The following MED12L variants were observed in gnomAD, a reference collection of about 807,000 sequenced individuals.
The protein encoded by MED12L is mediator complex subunit 12L.
Under a neutral mutation model 281.3 loss-of-function variants are expected in MED12L, and 60 were observed. The ratio of observed to expected loss-of-function variants is 0.21; its 90% CI spans 0.17 to 0.26. The LOEUF (loss-of-function observed/expected upper bound fraction) is 0.26, where lower values mean the gene tolerates loss of function less well. Among genes scored for constraint, MED12L ranks in the 10% least tolerant of loss-of-function variants. The pLI is 1.00. For missense variants in MED12L, 2,146 were observed against 2,680.9 expected (o/e 0.80, Z 4.41); for synonymous variants, 974 against 987.2 (o/e 0.99, Z 0.25).
intron 16 of MED12L, among the ~76,000 whole-genome samples, chr3:151,312,754 T>G (rs1747718647): frequency 6.6e-6 from 1 of 152,210 alleles, no homozygotes; most frequent in South Asian, 2.1e-4. Context: ...TATGTATATT[T>G]TAATTTATTA....
At chr3:151,338,690 T>C in intron 16 of MED12L, 1 of 1,613,602 alleles carries the variant, frequency 6.2e-7, no homozygotes, top group East Asian at 2.2e-5. Context: ...TACTCCGGAT[T>C]TGAAAGAAAA....
chr3:151,164,034 A>G lies in MED12L; in HGVS notation c.1249A>G (p.Asn417Asp). 6.2e-7 allele frequency: 1 copy of G among 1,613,176 alleles called. No individual in the cohort carries two copies. Among genetic ancestry groups the G allele is most frequent in the Non-Finnish European group, 8.5e-7 (1 of 1,179,512 alleles). Residue 417 changes from asparagine (N) to aspartate (D), a missense_variant, in exon 9 of 45, where the codon AAT becomes GAT. Physicochemically the swap from Asn to Asp is conservative, Grantham distance 23 (BLOSUM62 1). This residue lies in a region of MED12L where 722 missense variants were observed against 861.2 expected (regional missense o/e 0.84). Transcript: ENST00000687756. Reference protein sequence around the residue: ...LPMPGGNTAFNQQVRARIYEV... With the variant: ...LPMPGGNTAFDQQVRARIYEV... Reference sequence around the variant, plus strand: ...CATGCCGGGTGGGAACACGGCTTTCAATCAGCAGGTAGACTTTATGTTTCA... The same window carrying G: ...CATGCCGGGTGGGAACACGGCTTTCGATCAGCAGGTAGACTTTATGTTTCA...
intron 5 of MED12L, among the ~76,000 whole-genome samples, chr3:151,138,062 T>C (rs1176603004): frequency 6.6e-6 from 1 of 152,182 alleles, no homozygotes; most frequent in Non-Finnish European, 1.5e-5. Flanking sequence ...TTCTTACTAG[T>C]TTTTAATCTT....
At chr3:151,328,511 C>T (rs774600360) in intron 16 of MED12L, 1 of 1,614,006 alleles carries the variant, frequency 6.2e-7, no homozygotes, top group Non-Finnish European at 8.5e-7. Context: ...TTCCTTGTTG[C>T]TCAAGATCGT....
At chr3:151,198,513 A>G in intron 16 of MED12L, 1 of 1,613,794 alleles carries the variant, frequency 6.2e-7, no homozygotes, top group South Asian at 1.1e-5. Context: ...TTTGAGCGGA[A>G]TGCTTTTGAG....
intron 17 of MED12L, among the ~76,000 whole-genome samples, chr3:151,354,854 C>G (rs531454927): frequency 3.6e-4 from 54 of 152,014 alleles, no homozygotes; most frequent in African/African-American, 1.2e-3. Flanking sequence ...TATAAAGTTC[C>G]AGTGTAGGCA....
intron 3 of MED12L, among the ~76,000 whole-genome samples, chr3:151,122,165 CAGAGCAGGTAATACT>C (rs1713858432): frequency 6.6e-6 from 1 of 152,176 alleles, no homozygotes; most frequent in Non-Finnish European, 1.5e-5. Flanking sequence ...TTGCCTCATT[CAGAGCAGGTAATACT>C]AGCTTTCTCT....
At chr3:151,332,377 C>G (rs1750446960) in intron 16 of MED12L, among the ~76,000 whole-genome samples, 1 of 152,160 alleles carries the variant, frequency 6.6e-6, no homozygotes, top group Non-Finnish European at 1.5e-5. Flanking sequence ...TACCATGGTA[C>G]TTTCTCAGAT....
intron 43 of MED12L, among the ~76,000 whole-genome samples, chr3:151,417,879 C>T (rs9852103): frequency 0.15 from 22,987 of 152,020 alleles, 1,838 homozygotes; most frequent in Middle Eastern, 0.21. Context: ...CTTCAGAAAA[C>T]CTTCTTAAAG....
At chr3:151,294,297 T>C in intron 16 of MED12L, 2 of 1,614,064 alleles carry the variant, frequency 1.2e-6, no homozygotes, top group Non-Finnish European at 1.7e-6. Flanking sequence ...GACCTACACA[T>C]GAAAAAGTAA....
intron 43 of MED12L, among the ~76,000 whole-genome samples, chr3:151,417,487 C>CCCCT (rs1717736742): frequency 4.1e-4 from 32 of 78,798 alleles, no homozygotes; most frequent in African/African-American, 6.1e-4. Flanking sequence ...CCCCCCCCGC[C>CCCCT]TTTTTTTTTT....
At chr3:151,339,445 G>C (rs1289443267) in intron 16 of MED12L, among the ~76,000 whole-genome samples, 1 of 113,534 alleles carries the variant, frequency 8.8e-6, no homozygotes, top group Non-Finnish European at 1.9e-5. Context: ...AAAAAAAAAA[G>C]CTGACCTTTT....
chr3:151,128,373 G>A (rs1016946170), intron 5 of MED12L, among the ~76,000 whole-genome samples: 8 of 152,004 alleles, frequency 5.3e-5, no homozygotes, highest in African/African-American at 1.9e-4. Flanking sequence ...AACCTAAATG[G>A]TATATTGTGT....
chr3:151,406,204 A>G (rs1240494473), intron 39 of MED12L, among the ~76,000 whole-genome samples: 8 of 152,180 alleles, frequency 5.3e-5, no homozygotes, highest in Non-Finnish European at 1.2e-4. Flanking sequence ...CCAACATTTA[A>G]AAGTTTTTTT....
intron 16 of MED12L, chr3:151,294,673 G>C: frequency 6.2e-7 from 1 of 1,614,170 alleles, no homozygotes; most frequent in African/African-American, 1.3e-5. Flanking sequence ...GTTTTGAGCA[G>C]TCATGGATAT....
In MED12L at chr3:151,367,750, C is replaced by G. The variant is rs762621532; in HGVS notation, c.3432C>G (p.Pro1144=). ...ACGTCGTGCAGCATGTCGCACTTCC[C>G]TCTCTTCTAGCAGCAGGTAAGGCAG... ...LEDVVQHVAL[P]SLLAAACGDA... Residue 1144 remains proline, a synonymous_variant, in exon 24 of 45, where the codon CCC becomes CCG. Transcript: ENST00000687756. 25 of 1,609,434 alleles carry G rather than the reference C, an allele frequency of 1.6e-5. No individual in the cohort carries two copies. Among genetic ancestry groups the G allele is most frequent in the South Asian group, 3.3e-5 (3 of 90,616 alleles).
intron 16 of MED12L, among the ~76,000 whole-genome samples, chr3:151,323,424 G>A (rs1749219464): frequency 6.6e-6 from 1 of 152,150 alleles, no homozygotes; most frequent in East Asian, 1.9e-4. Flanking sequence ...TACAGTGCTT[G>A]GCTGTACAGT....
At position 151,436,307 on chromosome 3, in the gene MED12L, CTCTGT is replaced by C. The variant is rs781640809; in HGVS notation, c.*3508_*3512del. Reference sequence around the variant, plus strand: ...TTGCAGATTTAATATTTTCCATTGTCTCTGTTCTGAGTGCCATGCTTGTAACATTG... The same window carrying C: ...TTGCAGATTTAATATTTTCCATTGTCTCTGAGTGCCATGCTTGTAACATTG... On this transcript the variant is annotated 3_prime_UTR_variant, in exon 45 of 45. Transcript: ENST00000687756. The C allele has an allele frequency of 9.6e-5, 16 of 166,620 alleles. No individual in the cohort carries two copies. Among genetic ancestry groups the C allele is most frequent in the Admixed American group, 2.3e-4 (4 of 17,700 alleles). The allele number at this position is 166,620 out of a possible 1,614,324, so 10.3% of individuals were successfully genotyped here.
intron 16 of MED12L, chr3:151,327,053 G>A (rs550594000): frequency 6.6e-6 from 1 of 152,276 alleles, no homozygotes; most frequent in South Asian, 2.1e-4. Flanking sequence ...TCGTATTATG[G>A]GAGATACCAA....
Sources: allele counts gnomAD v4.1 joint callset (sites outside exome capture counted in the v4.1 genomes callset), GRCh38; gene constraint gnomAD v4.1.1; regional missense constraint gnomAD v4.1.1; transcripts MANE v1.5; gene names NCBI Gene and HGNC (gene_info 2026-07-23, HGNC 2026-07-21).